Variants in CPT1B observed in about 807,000 individuals in gnomAD.
The protein encoded by CPT1B is carnitine O-palmitoyltransferase 1, muscle isoform.
Under a neutral mutation model 92.7 loss-of-function variants are expected in CPT1B, and 57 were observed. The ratio of observed to expected loss-of-function variants is 0.62; its 90% CI spans 0.50 to 0.77. CPT1B has a LOEUF of 0.77. CPT1B is among the 30% of genes least tolerant of loss of function. The probability of loss-of-function intolerance (pLI) is 0.00; values close to 1 mark genes in which losing one functional copy is unlikely to be tolerated. For synonymous variants in CPT1B, 398 were observed against 383.5 expected, an observed-to-expected ratio of 1.04 and a Z score of -0.44; for missense variants, 983 against 1,017.4, an observed-to-expected ratio of 0.97 and a Z score of 0.46.
chr22:50,572,060 T>C lies in CPT1B; in HGVS notation c.1521A>G (p.Lys507=). 1 of 1,614,160 alleles carries C rather than the reference T, an allele frequency of 6.2e-7. No homozygotes were observed. Residue 507 remains lysine, a synonymous_variant, in exon 13 of 20, where the codon AAA becomes AAG. Transcript: ENST00000312108. ...TAGGAGGTGCGAGCGCAGGGTTCGG[T>C]TTGCCCAGGCAGTGCCCGGTCTCCG... is the stretch of plus-strand genomic sequence containing the variant. ...GYTETGHCLG[K]PNPALAPPTR...
In CPT1B at chr22:50,573,600, C is replaced by T. The variant is rs775907354; in HGVS notation, c.1086G>A (p.Met362Ile). 5 of 1,613,626 alleles carry T rather than the reference C, an allele frequency of 3.1e-6. No homozygotes were observed. The African/African-American group carries it at 6.7e-5, about 22-fold the overall frequency. The change falls in exon 10 of 20, where the codon ATG becomes ATA. Residue 362 changes from methionine to isoleucine, a missense_variant. Physicochemically the swap from Met to Ile is conservative, Grantham distance 10. Coordinates refer to ENST00000312108, the MANE Select transcript of CPT1B (RefSeq NM_152246.3). The surrounding 1 kb of genome is among the most constrained non-coding windows in gnomAD (Gnocchi z 5.0). The part of the protein sequence containing the change: ...ARLLKPQDLE[M>I]QFQRILDDPS... ...GGTCGTCCAGGATCCTCTGGAACTG[C>T]ATCTCCAGATCCTGAGGCTTGAGCA...
rs1003036601 is a variant in CPT1B at position 50,574,533 on chromosome 22, A to T, written c.845T>A (p.Ile282Asn). ...ACGGTCCAGTTTACGGCGATACATG[A>T]TCATGGCGTGGATGATGTTTCCCAG... The part of the protein sequence containing the change: ...ARLGNIIHAM[I>N]MYRRKLDREE... The change falls in exon 8 of 20, where the codon ATC becomes AAC. Residue 282 changes from isoleucine to asparagine, a missense_variant. By Grantham distance (149) the Ile-to-Asn change is moderately radical. Coordinates refer to ENST00000312108, the MANE Select transcript of CPT1B (RefSeq NM_152246.3). 1 of 1,614,110 alleles carries T rather than the reference A, an allele frequency of 6.2e-7. No homozygotes were observed. The highest frequency in any genetic ancestry group is 1.3e-5 in the African/African-American group (1 of 75,030).
chr22:50,574,691 G>A, intron 7 of CPT1B, 91 bp from the exon 8 acceptor site: 1 of 970,294 alleles, frequency 1.0e-6, no homozygotes, highest in Non-Finnish European at 1.6e-6. Flanking sequence ...TCGGGGGCCT[G>A]AGGTGTTCTG....
chr22:50,577,269 A>C, intron 3 of CPT1B, 55 bp downstream of exon 3: 1 of 1,602,828 alleles, frequency 6.2e-7, no homozygotes, highest in Non-Finnish European at 8.5e-7. Context: ...CAGCCTTGGG[A>C]GCTGGGCCCA....
In CPT1B at chr22:50,576,058, C is replaced by T. The variant is rs141837905; in HGVS notation, c.754G>A (p.Val252Met). 1.5e-4 allele frequency: 246 copies of T among 1,614,142 alleles called. No homozygotes were observed. Among genetic ancestry groups the T allele is most frequent in the Non-Finnish European group, 2.0e-4 (237 of 1,180,034 alleles). ...ACCATGACATAATAGTTGCTGTTCACCATGAGAGGGCTCCTGCCTCGAAGG... is the reference window on the plus strand; with the variant it reads ...ACCATGACATAATAGTTGCTGTTCATCATGAGAGGGCTCCTGCCTCGAAGG... ...IYLRGRSPLM[V>M]NSNYYVMDLV... Residue 252 changes from valine to methionine, a missense_variant, in exon 7 of 20, where the codon GTG becomes ATG. Val to Met is a conservative substitution (Grantham distance 21). Coordinates refer to ENST00000312108, the MANE Select transcript of CPT1B (RefSeq NM_152246.3).
At position 50,569,074 on chromosome 22, in the gene CPT1B, C is replaced by T. The variant is rs2070025410; in HGVS notation, c.*10G>A. 2 of 380,504 alleles carry T rather than the reference C, an allele frequency of 5.3e-6. No homozygotes were observed. The highest frequency in any genetic ancestry group is 9.6e-6 in the Non-Finnish European group (2 of 208,592). The allele number at this position is 380,504 out of a possible 1,614,324, so 23.6% of individuals were successfully genotyped here. ...CGAGTTCCCAAACAAAACACAGGTA[C>T]CTAAGGGCTGAGAGAAAATTACACA... On this transcript the variant is annotated 3_prime_UTR_variant, in exon 20 of 20. Transcript: ENST00000312108.
At position 50,573,656 on chromosome 22, in the gene CPT1B, A is replaced by T. The variant is rs1470088581; in HGVS notation, c.1030T>A (p.Phe344Ile). The T allele has an allele frequency of 6.2e-7, 1 of 1,613,384 alleles. No homozygotes were observed. The highest frequency in any genetic ancestry group is 1.1e-5 in the South Asian group (1 of 91,090). The change falls in exon 10 of 20, where the codon TTC (phenylalanine) becomes ATC (isoleucine). Residue 344 changes from phenylalanine to isoleucine, a missense_variant. Transcript: ENST00000312108. The surrounding 1 kb of genome is among the most constrained non-coding windows in gnomAD (Gnocchi z 5.0). ...HVAVYHKGRF[F>I]KLWLYEGARL... ...GCGCCCTCATAGAGCCACAGCTTGAAGAAGCGTCCCTTGTGGTAGACAGCC... is the reference window on the plus strand; with the variant it reads ...GCGCCCTCATAGAGCCACAGCTTGATGAAGCGTCCCTTGTGGTAGACAGCC...
Position 50,571,387 on chromosome 22 carries a change from C to T in CPT1B, c.1728G>A (p.Leu576=). The T allele has an allele frequency of 6.2e-7, 1 of 1,613,822 alleles. No homozygotes were observed. The highest frequency in any genetic ancestry group is 8.5e-7 in the Non-Finnish European group (1 of 1,179,986). Residue 576 remains leucine, a synonymous_variant, in exon 14 of 20, where the codon CTG becomes CTA. Coordinates refer to ENST00000312108, the MANE Select transcript of CPT1B (RefSeq NM_152246.3). ...PDAFVQIALQ[L]AHFRDRGKFC... ...GCGGGGCTCCTACCCGGAAGTGAGCCAGCTGCAGCGCGATCTGCACAAAGG... is the reference window on the plus strand; with the variant it reads ...GCGGGGCTCCTACCCGGAAGTGAGCTAGCTGCAGCGCGATCTGCACAAAGG...
chr22:50,575,054 C>T (rs1170714223), intron 7 of CPT1B: 1 of 152,162 alleles, frequency 6.6e-6, no homozygotes, highest in Non-Finnish European at 1.5e-5. Context: ...GCTCTTGTCA[C>T]CCAGGCTGGA....
chr22:50,576,244 C>T lies in CPT1B; in HGVS notation c.653G>A (p.Arg218Lys). Residue 218 changes from arginine to lysine, a missense_variant, in exon 6 of 20, where the codon AGG (arginine) becomes AAG (lysine). By Grantham distance (26) the Arg-to-Lys change is conservative (BLOSUM62 2). Transcript: ENST00000312108. ...CTTGAGCACCAGGTATTTCTGCAGC[C>T]TGGGGGCAGTCTTGTCCTGGAATTC... ...AKEFQDKTAP[R>K]LQKYLVLKSW... The T allele has an allele frequency of 6.2e-7, 1 of 1,614,112 alleles. No individual in the cohort carries two copies. Among genetic ancestry groups the T allele is most frequent in the Non-Finnish European group, 8.5e-7 (1 of 1,180,036 alleles).
Position 50,577,936 on chromosome 22 carries a change from T to C in CPT1B, c.-19-2A>G, listed in dbSNP as rs1230663692. 6.2e-7 allele frequency: 1 copy of C among 1,601,074 alleles called. No homozygotes were observed. Among genetic ancestry groups the C allele is most frequent in the East Asian group, 2.2e-5 (1 of 44,512 alleles). On this transcript the variant is annotated splice_acceptor_variant, in intron 1 of 19. Coordinates refer to ENST00000312108, the MANE Select transcript of CPT1B (RefSeq NM_152246.3). LOFTEE classifies it low-confidence loss of function (5UTR_SPLICE). ...GCCATCCTGGGGGTTGGTCGGCACC[T>C]AGGACGGGGGCAGATGGGTGCGCGG...
Position 50,573,565 on chromosome 22 carries a change from G to A in CPT1B, c.1121C>T (p.Pro374Leu), listed in dbSNP as rs756346991. ...TGCCAGCTTCTCCTCCCCAGGCTGA[G>A]GTGGGGAGGGGTCGTCCAGGATCCT... ...FQRILDDPSP[P>L]QPGEEKLAAL... Residue 374 changes from proline to leucine, a missense_variant, in exon 10 of 20, where the codon CCT becomes CTT. Pro to Leu is a moderately conservative substitution (Grantham distance 98, BLOSUM62 -3). Coordinates refer to ENST00000312108, the MANE Select transcript of CPT1B (RefSeq NM_152246.3). This position sits in a 1 kb window ranked among gnomAD's most constrained non-coding sequence, Gnocchi z 5.0. The A allele has an allele frequency of 6.2e-7, 1 of 1,613,542 alleles. No homozygotes were observed.
chr22:50,570,664 G>A (rs910525651), intron 16 of CPT1B, among the ~76,000 whole-genome samples: 1 of 152,172 alleles, frequency 6.6e-6, no homozygotes, highest in South Asian at 2.1e-4. Context: ...TCATATATTT[G>A]TCTGTTCCCT....
At chr22:50,574,224 C>T (rs1569044443) in intron 9 of CPT1B, 111 bp downstream of exon 9, 7 of 817,034 alleles carry the variant, frequency 8.6e-6, no homozygotes, top group African/African-American at 8.4e-5. Context: ...CAATTGACTA[C>T]TGTTCACAGT....
chr22:50,569,754 C>A (rs942949001), intron 17 of CPT1B, 86 bp from the exon 18 acceptor site: 1 of 1,193,878 alleles, frequency 8.4e-7, no homozygotes. Flanking sequence ...GTTCTTCCCA[C>A]AAGAGTTGCA....
Position 50,573,186 on chromosome 22 carries a change from C to A in CPT1B, c.1167-126G>T. On this transcript the variant is annotated intron_variant, in intron 10 of 19. Coordinates refer to ENST00000312108, the MANE Select transcript of CPT1B (RefSeq NM_152246.3). This position sits in a 1 kb window ranked among gnomAD's most constrained non-coding sequence, Gnocchi z 5.0. ...GGACCTGGAGATGGGGGGTACCACG[C>A]TGGACCTGGAGATGTGGGGGTGCCA... is the stretch of plus-strand genomic sequence containing the variant. The A allele has an allele frequency of 2.5e-6, 2 of 792,322 alleles. No individual in the cohort carries two copies. The highest frequency in any genetic ancestry group is 3.9e-6 in the Non-Finnish European group (2 of 507,252). The allele number at this position is 792,322 out of a possible 1,614,324, so 49.1% of individuals were successfully genotyped here.
intron 17 of CPT1B, among the ~76,000 whole-genome samples, 194 bp downstream of exon 17, chr22:50,570,099 T>C (rs1312674168): frequency 6.6e-6 from 1 of 151,912 alleles, no homozygotes; most frequent in African/African-American, 2.4e-5. Flanking sequence ...AGCAGGGAGG[T>C]ATTTGGGATG....
Position 50,573,707 on chromosome 22 carries a change from G to A in CPT1B, c.979C>T (p.Gln327Ter). The part of the protein sequence containing the change: ...RIPGKDTDVL[Q>*]HLSDSRHVAV... The stretch of plus-strand genomic sequence containing the variant: ...ACGTGCCGGCTGTCTGAGAGGTGCT[G>A]TAGCACATCTGTGATACAGGCCACG... Residue 327 changes from glutamine (Q) to a stop codon, truncating the protein, a stop_gained, in exon 10 of 20, where the codon CAG becomes TAG. Transcript: ENST00000312108. LOFTEE classifies it high-confidence loss of function. The surrounding 1 kb of genome is among the most constrained non-coding windows in gnomAD (Gnocchi z 5.0). 6.2e-7 allele frequency: 1 copy of A among 1,612,224 alleles called. No individual in the cohort carries two copies. The highest frequency in any genetic ancestry group is 8.5e-7 in the Non-Finnish European group (1 of 1,179,542).
At position 50,572,453 on chromosome 22, in the gene CPT1B, T is replaced by C. The variant is rs1239078780; in HGVS notation, c.1353-145A>G. ...TTTTTTTTAAATTGAGATGGAATCT[T>C]GCTCTGTTGCCCAGGCTGGAGTGCA... On this transcript the variant is annotated intron_variant, in intron 11 of 19. Coordinates refer to ENST00000312108, the MANE Select transcript of CPT1B (RefSeq NM_152246.3). The C allele has an allele frequency of 9.5e-6, 6 of 628,788 alleles. No homozygotes were observed. The African/African-American group carries it at 1.1e-4, about 12-fold the overall frequency. The allele number at this position is 628,788 out of a possible 1,614,324, so 39.0% of individuals were successfully genotyped here.
Sources: gnomAD v4.1 joint callset for allele counts (sites outside exome capture counted in the v4.1 genomes callset) on GRCh38, gnomAD v4.1.1 for gene constraint, Gnocchi (gnomAD v3.1) non-coding constraint, MANE v1.5 for transcripts, NCBI Gene and HGNC (gene_info 2026-07-23, HGNC 2026-07-21) for gene names.